Variants in ZNF732 observed in about 807,000 individuals in gnomAD.
ZNF732 encodes the protein zinc finger protein LOC654254.
Under a neutral mutation model 11.5 loss-of-function variants are expected in ZNF732, and 12 were observed. That is an observed-to-expected ratio of 1.05 (90% confidence interval 0.67 to 1.70). ZNF732 has a LOEUF of 1.70. ZNF732 is among the 40% of genes most tolerant of loss of function. ZNF732 has a pLI of 0.00. For missense variants in ZNF732, 702 were observed against 676.9 expected (o/e 1.04, Z -0.41); for synonymous variants, 231 against 236.5 (o/e 0.98, Z 0.21).
At chr4:286,622 G>A (rs1247922107) in intron 3 of ZNF732, among the ~76,000 whole-genome samples, 1 of 152,206 alleles carries the variant, frequency 6.6e-6, no homozygotes, top group African/African-American at 2.4e-5. Context: ...ACTAAACTGT[G>A]ACAGGGGTTA....
chr4:293,321 T>C (rs368633076), intron 3 of ZNF732, among the ~76,000 whole-genome samples: 7 of 146,890 alleles, frequency 4.8e-5, no homozygotes, highest in African/African-American at 1.7e-4. Flanking sequence ...TATATATATA[T>C]ACACACACAC....
At chr4:288,962 G>T (rs1248983920) in intron 3 of ZNF732, among the ~76,000 whole-genome samples, 2 of 152,156 alleles carry the variant, frequency 1.3e-5, no homozygotes, top group Non-Finnish European at 2.9e-5. Flanking sequence ...ATAAATACCT[G>T]ACACTGGATA....
intron 3 of ZNF732, among the ~76,000 whole-genome samples, chr4:276,336 T>C (rs1271621107): frequency 2.6e-5 from 4 of 151,946 alleles, no homozygotes; most frequent in Non-Finnish European, 5.9e-5. Context: ...AGTCTTACAG[T>C]GTACATAGCT....
At chr4:299,516 T>TAC (rs1491203011) in intron 1 of ZNF732, among the ~76,000 whole-genome samples, 14 of 120,804 alleles carry the variant, frequency 1.2e-4, no homozygotes, top group Non-Finnish European at 1.7e-4. Flanking sequence ...CACATATACG[T>TAC]ATATATGTGT....
intron 3 of ZNF732, among the ~76,000 whole-genome samples, chr4:292,162 T>C (rs1379431774): frequency 6.6e-6 from 1 of 152,246 alleles, no homozygotes; most frequent in Admixed American, 6.5e-5. Flanking sequence ...AATAACTTTT[T>C]TGATATGCCA....
intron 1 of ZNF732, among the ~76,000 whole-genome samples, chr4:302,780 G>A (rs1407283544): frequency 6.6e-6 from 1 of 152,220 alleles, no homozygotes; most frequent in Admixed American, 6.5e-5. Context: ...TTTCGAGACA[G>A]GAGCAGTGGC....
At chr4:294,042 T>C (rs1719898177) in intron 3 of ZNF732, among the ~76,000 whole-genome samples, 1 of 152,210 alleles carries the variant, frequency 6.6e-6, no homozygotes, top group Admixed American at 6.5e-5. Flanking sequence ...GCTCATGTCG[T>C]CTAGACTGGA....
At chr4:292,590 C>T (rs939114629) in intron 3 of ZNF732, among the ~76,000 whole-genome samples, 2 of 150,470 alleles carry the variant, frequency 1.3e-5, no homozygotes, top group Non-Finnish European at 3.0e-5. Context: ...TATCCCTATC[C>T]GAAATGTATA....
intron 3 of ZNF732, among the ~76,000 whole-genome samples, chr4:286,720 G>C (rs1376253337): frequency 1.3e-5 from 2 of 152,122 alleles, no homozygotes; most frequent in Non-Finnish European, 2.9e-5. Flanking sequence ...TTTAGGATGG[G>C]GTATATGTGC....
In ZNF732 at chr4:272,072, G is replaced by A. The variant is rs1560155613; in HGVS notation, c.785C>T (p.Ser262Phe). ...TCTCTTATGCTTAGTAAGGGTTGAG[G>A]ACCTATTAAAGGCTTTGCCACATTC... ...YEECGKAFNR[S>F]STLTKHKRIH... is the part of the protein sequence containing the mutation. The change falls in exon 4 of 4, where the codon TCC (serine) becomes TTC (phenylalanine). Residue 262 changes from serine to phenylalanine, a missense_variant. This residue lies in a region of ZNF732 where 596 missense variants were observed against 557.9 expected (regional missense o/e 1.07). Coordinates refer to ENST00000419098, the MANE Select transcript of ZNF732 (RefSeq NM_001137608.3). 9 of 1,610,716 alleles carry A rather than the reference G, an allele frequency of 5.6e-6. No homozygotes were observed. Among genetic ancestry groups the A allele is most frequent in the Admixed American group, 3.4e-5 (2 of 59,644 alleles).
Position 272,462 on chromosome 4 carries a change from C to A in ZNF732, c.395G>T (p.Cys132Phe). 6.2e-7 allele frequency: 1 copy of A among 1,601,154 alleles called. No individual in the cohort carries two copies. ...TATTTTGCTCTGGATAGTTGACAAG[C>A]ATTGATTAAATTCATTATAACCTCC... ...QKGGYNEFNQCLSTIQSKIFQ... is the reference protein window; with the variant it reads ...QKGGYNEFNQFLSTIQSKIFQ... The change falls in exon 4 of 4, where the codon TGC (cysteine) becomes TTC (phenylalanine). Residue 132 changes from cysteine to phenylalanine, a missense_variant. Coordinates refer to ENST00000419098, the MANE Select transcript of ZNF732 (RefSeq NM_001137608.3).
chr4:285,307 T>C (rs1719710527), intron 3 of ZNF732, among the ~76,000 whole-genome samples: 1 of 152,294 alleles, frequency 6.6e-6, no homozygotes, highest in African/African-American at 2.4e-5. Flanking sequence ...CTCTGACTTA[T>C]GAATGTGTGT....
In ZNF732 at chr4:272,069, G is replaced by C. The variant is rs554243218; in HGVS notation, c.788C>G (p.Ser263Ter). Reference sequence around the variant, plus strand: ...AATTCTCTTATGCTTAGTAAGGGTTGAGGACCTATTAAAGGCTTTGCCACA... The same window carrying C: ...AATTCTCTTATGCTTAGTAAGGGTTCAGGACCTATTAAAGGCTTTGCCACA... ...EECGKAFNRS[S>*]TLTKHKRIHA... is the part of the protein sequence containing the mutation. The change falls in exon 4 of 4, where the codon TCA becomes TGA. Residue 263 changes from serine (S) to a stop codon, truncating the protein, a stop_gained. Coordinates refer to ENST00000419098, the MANE Select transcript of ZNF732 (RefSeq NM_001137608.3). LOFTEE classifies it low-confidence loss of function (END_TRUNC). The C allele has an allele frequency of 7.4e-6, 12 of 1,611,618 alleles. No homozygotes were observed. Among genetic ancestry groups the C allele is most frequent in the Non-Finnish European group, 1.0e-5 (12 of 1,178,726 alleles).
At chr4:287,843 T>C (rs1268889066) in intron 3 of ZNF732, among the ~76,000 whole-genome samples, 1 of 152,160 alleles carries the variant, frequency 6.6e-6, no homozygotes, top group African/African-American at 2.4e-5. Context: ...TAACTGCATT[T>C]TTAGTTTTTG....
chr4:302,826 G>A (rs1447822082), intron 1 of ZNF732, among the ~76,000 whole-genome samples: 2 of 152,216 alleles, frequency 1.3e-5, no homozygotes, highest in African/African-American at 4.8e-5. Flanking sequence ...GGAGGCCGAG[G>A]TGGACAAATT....
chr4:286,694 CTTTT>C (rs1376892568), intron 3 of ZNF732, among the ~76,000 whole-genome samples: 1 of 152,078 alleles, frequency 6.6e-6, no homozygotes, highest in Non-Finnish European at 1.5e-5. Flanking sequence ...CAAAACAACT[CTTTT>C]TTTAACTTTA....
intron 1 of ZNF732, among the ~76,000 whole-genome samples, chr4:299,478 T>TATGTGTATATATATATATATACAC (rs1720056476): frequency 9.7e-6 from 1 of 103,130 alleles, no homozygotes; most frequent in Non-Finnish European, 2.0e-5. Context: ...TATATACACA[T>TATGTGTATATATATATATATACAC]ATATACACAT....
chr4:300,810 G>T (rs1192081240), intron 1 of ZNF732, among the ~76,000 whole-genome samples: 1 of 152,156 alleles, frequency 6.6e-6, no homozygotes, highest in African/African-American at 2.4e-5. Flanking sequence ...ATAGGCATGG[G>T]CAAGGACTTC....
chr4:280,049 T>G (rs959316611), intron 3 of ZNF732, among the ~76,000 whole-genome samples: 4 of 151,608 alleles, frequency 2.6e-5, no homozygotes, highest in Admixed American at 2.6e-4. Context: ...AGGTACAGAG[T>G]TGAAAATTAC....
Sources: allele counts gnomAD v4.1 joint callset (sites outside exome capture counted in the v4.1 genomes callset), GRCh38; gene constraint gnomAD v4.1.1; regional missense constraint gnomAD v4.1.1; transcripts MANE v1.5; gene names NCBI Gene and HGNC (gene_info 2026-07-23, HGNC 2026-07-21).